WDR64: variants seen among roughly 807,000 people sequenced by gnomAD.
WDR64 encodes WD repeat-containing protein 64.
A neutral mutation model predicts 139.3 loss-of-function variants in WDR64; 112 were observed. That is an observed-to-expected ratio of 0.80 (90% CI 0.69 to 0.94). The LOEUF is 0.94. Among genes scored for constraint, WDR64 ranks in the 40% least tolerant of loss-of-function variants. The pLI is 0.00. For synonymous variants in WDR64, 444 were observed against 437.7 expected, an observed-to-expected ratio of 1.01 and a Z score of -0.18; for missense variants, 1,206 against 1,293.1, an observed-to-expected ratio of 0.93 and a Z score of 1.03.
intron 21 of WDR64, among the ~76,000 whole-genome samples, chr1:241,778,135 A>G (rs1348901693): frequency 6.6e-6 from 1 of 152,152 alleles, no homozygotes; most frequent in Non-Finnish European, 1.5e-5. Flanking sequence ...ATAATAATGG[A>G]TTCATCTATT....
In WDR64 at chr1:241,652,474, C is replaced by T; in HGVS notation, c.-11C>T. The T allele has an allele frequency of 1.3e-6, 2 of 1,551,442 alleles. No homozygotes were observed. The highest frequency in any genetic ancestry group is 2.4e-5 in the East Asian group (1 of 40,908). On this transcript the variant is annotated 5_prime_UTR_variant, in exon 1 of 28. Coordinates refer to ENST00000437684, the MANE Select transcript of WDR64 (RefSeq NM_001367482.1). ...CTTTCTGTACAGAAGTAAAAGATCC[C>T]CTATGTCCCTATGGATATCAGGAAG...
chr1:241,712,000 G>C, intron 9 of WDR64, 119 bp downstream of exon 9: 1 of 976,182 alleles, frequency 1.0e-6, no homozygotes, highest in Non-Finnish European at 1.5e-6. Context: ...AGTCAAATCT[G>C]TTTGTCTTTT....
Position 241,723,489 on chromosome 1 carries a change from G to A in WDR64, c.1194+53G>A, listed in dbSNP as rs1361560805. On this transcript the variant is annotated intron_variant, in intron 10 of 27. Coordinates refer to ENST00000437684, the MANE Select transcript of WDR64 (RefSeq NM_001367482.1). ...ACTAGTTTTTTCCGGAAAATTATCTGTTGGAAGGCATAGGGATGATACAAT... is the reference window on the plus strand; with the variant it reads ...ACTAGTTTTTTCCGGAAAATTATCTATTGGAAGGCATAGGGATGATACAAT... 18 of 1,578,878 alleles carry A rather than the reference G, an allele frequency of 1.1e-5. No homozygotes were observed. In the East Asian group the frequency reaches 2.3e-4, roughly 20 times the overall value.
At chr1:241,780,200 C>A in intron 22 of WDR64, 138 bp downstream of exon 22, 2 of 727,352 alleles carry the variant, frequency 2.7e-6, no homozygotes, top group South Asian at 2.0e-5. Context: ...ATTTGAGCTA[C>A]ATGACAAATT....
chr1:241,719,536 A>G (rs567696187), intron 9 of WDR64, among the ~76,000 whole-genome samples: 6 of 152,244 alleles, frequency 3.9e-5, no homozygotes, highest in Non-Finnish European at 8.8e-5. Flanking sequence ...AGGTAGAGAA[A>G]AATACTATGC....
chr1:241,659,380 G>A (rs1350670886), intron 1 of WDR64, among the ~76,000 whole-genome samples: 2 of 152,162 alleles, frequency 1.3e-5, no homozygotes, highest in Non-Finnish European at 2.9e-5. Flanking sequence ...ATGCATGCAT[G>A]TATCTTTATA....
chr1:241,738,524 T>G (rs1220569786), intron 11 of WDR64, 35 bp downstream of exon 11: 4 of 1,577,518 alleles, frequency 2.5e-6, no homozygotes, highest in African/African-American at 1.4e-5. Context: ...ACGAAACTCA[T>G]GTCTTGATTT....
At chr1:241,671,213 T>G (rs1666214418) in intron 3 of WDR64, 37 bp downstream of exon 3, 3 of 1,327,516 alleles carry the variant, frequency 2.3e-6, no homozygotes, top group Non-Finnish European at 3.1e-6. Flanking sequence ...TTAGTATGAG[T>G]TTTAATATTT....
chr1:241,711,270 T>G (rs1314189927), intron 8 of WDR64, among the ~76,000 whole-genome samples: 1 of 150,300 alleles, frequency 6.7e-6, no homozygotes, highest in Non-Finnish European at 1.5e-5. Flanking sequence ...AGCAGAGAAA[T>G]TACCAGTTTA....
chr1:241,753,707 C>A (rs1670064817), intron 14 of WDR64, among the ~76,000 whole-genome samples: 1 of 152,116 alleles, frequency 6.6e-6, no homozygotes, highest in East Asian at 1.9e-4. Flanking sequence ...CTGTCACACA[C>A]ACTCACGAAA....
intron 8 of WDR64, among the ~76,000 whole-genome samples, chr1:241,711,437 A>C (rs892912290): frequency 3.9e-5 from 6 of 152,130 alleles, no homozygotes; most frequent in Non-Finnish European, 5.9e-5. Flanking sequence ...GAAGTGTCCA[A>C]AAGGGTTCCT....
intron 10 of WDR64, among the ~76,000 whole-genome samples, chr1:241,731,020 T>C (rs984353064): frequency 6.6e-6 from 1 of 152,182 alleles, no homozygotes; most frequent in Non-Finnish European, 1.5e-5. Flanking sequence ...ACACAAACAT[T>C]CTATTTGTAG....
At chr1:241,756,870 C>T (rs1013198444) in intron 14 of WDR64, among the ~76,000 whole-genome samples, 4 of 152,136 alleles carry the variant, frequency 2.6e-5, no homozygotes, top group East Asian at 1.9e-4. Flanking sequence ...TTATATTACA[C>T]GATAAAGCAG....
chr1:241,674,233 G>A (rs1666363640), intron 3 of WDR64, among the ~76,000 whole-genome samples: 1 of 149,406 alleles, frequency 6.7e-6, no homozygotes, highest in Non-Finnish European at 1.5e-5. Context: ...TAGCAAAAAA[G>A]CTGGCTGTTT....
chr1:241,723,293 T>C lies in WDR64; in HGVS notation c.1055-4T>C. The C allele has an allele frequency of 6.2e-7, 1 of 1,613,576 alleles. No homozygotes were observed. The highest frequency in any genetic ancestry group is 8.5e-7 in the Non-Finnish European group (1 of 1,179,782). ...CAACAATCTTTCCCTGTCCTCCTTT[T>C]CAGGAGATGATAAGGTCATCCGGTT... is the stretch of plus-strand genomic sequence containing the variant. On this transcript the variant is annotated splice_polypyrimidine_tract_variant and splice_region_variant and intron_variant, in intron 9 of 27. Coordinates refer to ENST00000437684, the MANE Select transcript of WDR64 (RefSeq NM_001367482.1).
chr1:241,703,324 C>A lies in WDR64; in HGVS notation c.975-8478C>A, dbSNP rs1667801557. On this transcript the variant is annotated intron_variant, in intron 8 of 27. Transcript: ENST00000437684. The surrounding 1 kb of genome is among the most constrained non-coding windows in gnomAD (Gnocchi z 5.9). ...CACATGCCCCCTGAAAAAAGTCACCCCTTTACCTTCTACCTGATGACTCTG... is the reference window on the plus strand; with the variant it reads ...CACATGCCCCCTGAAAAAAGTCACCACTTTACCTTCTACCTGATGACTCTG... 6.6e-6 allele frequency among the ~76,000 whole-genome samples: 1 copy of A among 152,110 alleles called. No homozygotes were observed. The highest frequency in any genetic ancestry group is 1.5e-5 in the Non-Finnish European group (1 of 68,018).
In WDR64 at chr1:241,775,151, T is replaced by C; in HGVS notation, c.2477T>C (p.Ile826Thr). Residue 826 changes from isoleucine to threonine, a missense_variant, in exon 21 of 28, where the codon ATT becomes ACT. Physicochemically the swap from Ile to Thr is moderately conservative, Grantham distance 89. Coordinates refer to ENST00000437684, the MANE Select transcript of WDR64 (RefSeq NM_001367482.1). The stretch of plus-strand genomic sequence containing the variant: ...CTACCTTTCACAAAACATTCTGCCA[T>C]TTCTCTGACATCGCTGTATACTGAT... ...DMLPFTKHSAISLTSLYTDSC... is the reference protein window; with the variant it reads ...DMLPFTKHSATSLTSLYTDSC... 2 of 1,551,282 alleles carry C rather than the reference T, an allele frequency of 1.3e-6. No individual in the cohort carries two copies. Among genetic ancestry groups the C allele is most frequent in the Non-Finnish European group, 1.7e-6 (2 of 1,146,906 alleles).
chr1:241,664,516 T>A (rs1665956995), intron 2 of WDR64, among the ~76,000 whole-genome samples: 1 of 152,202 alleles, frequency 6.6e-6, no homozygotes, highest in African/African-American at 2.4e-5. Flanking sequence ...CTGTGATAAA[T>A]CCATTTACAT....
At chr1:241,763,899 G>A (rs921723880) in intron 15 of WDR64, among the ~76,000 whole-genome samples, 1 of 152,172 alleles carries the variant, frequency 6.6e-6, no homozygotes, top group Non-Finnish European at 1.5e-5. Context: ...AGATCCTGGA[G>A]GGCTGGGGAG....
Sources: gnomAD v4.1 joint callset for allele counts (sites outside exome capture counted in the v4.1 genomes callset) on GRCh38, gnomAD v4.1.1 for gene constraint, Gnocchi (gnomAD v3.1) non-coding constraint, MANE v1.5 for transcripts, NCBI Gene and HGNC (gene_info 2026-07-23, HGNC 2026-07-21) for gene names.